GLT1D1: variants seen among roughly 807,000 people sequenced by gnomAD.
The protein encoded by GLT1D1 is glycosyltransferase 1 domain containing 1, also known as glycosyltransferase 1 domain-containing protein 1.
GLT1D1 carries 21 observed loss-of-function variants against 28.7 expected under a neutral mutation model. The observed-to-expected ratio is 0.73, with a 90% CI of 0.52 to 1.05. The LOEUF (loss-of-function observed/expected upper bound fraction) is 1.05, where lower values mean the gene tolerates loss of function less well. GLT1D1 is among the 50% of genes least tolerant of loss of function. The probability of loss-of-function intolerance (pLI) is 0.00; values close to 1 mark genes in which losing one functional copy is unlikely to be tolerated. For missense variants in GLT1D1, 343 were observed against 330.6 expected (o/e 1.04, Z -0.29); for synonymous variants, 147 against 124.8 (o/e 1.18, Z -1.19).
At chr12:128,863,796 A>T (rs1021280370) in intron 1 of GLT1D1, among the ~76,000 whole-genome samples, 1 of 152,052 alleles carries the variant, frequency 6.6e-6, no homozygotes, top group Non-Finnish European at 1.5e-5. Flanking sequence ...ATACAAAAAA[A>T]GTAGCCACAC....
At chr12:128,923,718 C>A (rs111702671) in intron 4 of GLT1D1, among the ~76,000 whole-genome samples, 19 of 151,970 alleles carry the variant, frequency 1.3e-4, no homozygotes, top group African/African-American at 4.3e-4. Context: ...GACGGGATTT[C>A]ACCACGTTGG....
chr12:128,961,534 A>G (rs984402868), intron 7 of GLT1D1, among the ~76,000 whole-genome samples: 1 of 152,242 alleles, frequency 6.6e-6, no homozygotes, highest in African/African-American at 2.4e-5. Context: ...ACTGGAGGTC[A>G]TTATATTAAG....
At chr12:128,922,871 C>T (rs781527242) in intron 4 of GLT1D1, among the ~76,000 whole-genome samples, 4 of 142,798 alleles carry the variant, frequency 2.8e-5, no homozygotes, top group Non-Finnish European at 4.5e-5. Context: ...TGCAGTGAGC[C>T]GAGAACGCAC....
In GLT1D1 at chr12:128,956,171, A is replaced by AAAAAAAAAAAAAAAAAAAAAAAAGAG. The variant is rs374597920; in HGVS notation, c.541-1373_541-1372insAAAAAAAAAAAAAAAAAAAAAAGAGA. Among the ~76,000 whole-genome samples the AAAAAAAAAAAAAAAAAAAAAAAAGAG allele has an allele frequency of 8.1e-4, 52 of 63,932 alleles. 5 individuals carry two copies. The highest frequency in any genetic ancestry group is 1.3e-3 in the Non-Finnish European group (38 of 28,292). The allele number at this position is 63,932 out of a possible 152,430, so 41.9% of individuals were successfully genotyped here. A position where few individuals can be genotyped will look rare whatever the true frequency, so the allele number is the denominator to read the frequency against. ...GAGACTCCATCTCAAAAAAAAAAAA[A>AAAAAAAAAAAAAAAAAAAAAAAAGAG]AGAGAAAGAGAGAAAGAAAGAAAGA... On this transcript the variant is annotated intron_variant, in intron 6 of 7. Transcript: ENST00000281703.
At chr12:128,944,965 G>A (rs1424462946) in intron 4 of GLT1D1, 1 of 545,066 alleles carries the variant, frequency 1.8e-6, no homozygotes, top group Non-Finnish European at 3.3e-6. Flanking sequence ...ACCCCCAACA[G>A]GCCCCGGTGT....
chr12:128,882,523 C>A (rs1403341546), intron 2 of GLT1D1, among the ~76,000 whole-genome samples: 1 of 152,134 alleles, frequency 6.6e-6, no homozygotes, highest in Non-Finnish European at 1.5e-5. Context: ...TGACCCACCA[C>A]CTACCTTGGC....
At chr12:128,919,943 T>TTC (rs1160496585) in intron 4 of GLT1D1, among the ~76,000 whole-genome samples, 12 of 109,788 alleles carry the variant, frequency 1.1e-4, no homozygotes, top group African/African-American at 3.6e-4. Flanking sequence ...TATTGCTTAT[T>TTC]TCTCTCTCTC....
intron 2 of GLT1D1, among the ~76,000 whole-genome samples, chr12:128,884,190 A>G (rs1040330165): frequency 4.6e-5 from 7 of 152,054 alleles, no homozygotes; most frequent in East Asian, 1.9e-4. Flanking sequence ...AAATGGATAC[A>G]GAAAATGGGG....
Position 128,968,530 on chromosome 12 carries a change from G to A in GLT1D1, c.639+10887G>A, listed in dbSNP as rs549721280. Among the ~76,000 whole-genome samples, 302 of 147,452 alleles carry A rather than the reference G, an allele frequency of 2.0e-3. 2 individuals are homozygous for A. The highest frequency in any genetic ancestry group is 7.0e-3 in the African/African-American group (287 of 41,260). On this transcript the variant is annotated intron_variant, in intron 7 of 7. Coordinates refer to ENST00000281703, the MANE Select transcript of GLT1D1 (RefSeq NM_144669.3). Reference sequence around the variant, plus strand: ...TACAAAAAATCAGCTGAGCAGGGTCGCAGGTGCCTATAATCCTAGCTACTC... The same window carrying A: ...TACAAAAAATCAGCTGAGCAGGGTCACAGGTGCCTATAATCCTAGCTACTC...
chr12:128,981,914 T>C (rs1880352269), intron 7 of GLT1D1, among the ~76,000 whole-genome samples: 1 of 152,194 alleles, frequency 6.6e-6, no homozygotes, highest in Admixed American at 6.5e-5. Context: ...GGTGTGGATT[T>C]AAACCCACGC....
chr12:128,943,589 T>A (rs1368692943), intron 4 of GLT1D1, among the ~76,000 whole-genome samples: 1 of 152,238 alleles, frequency 6.6e-6, no homozygotes, highest in Admixed American at 6.5e-5. Flanking sequence ...CCTCAGTACA[T>A]ATGTATTTTC....
intron 7 of GLT1D1, among the ~76,000 whole-genome samples, chr12:128,969,191 G>A (rs1259031248): frequency 8.1e-6 from 1 of 123,092 alleles, no homozygotes; most frequent in Non-Finnish European, 1.6e-5. Flanking sequence ...TGTTTCTGTA[G>A]CCTTCCTTCC....
chr12:128,944,940 C>G (rs932898444), intron 4 of GLT1D1: 1 of 536,774 alleles, frequency 1.9e-6, no homozygotes, highest in Admixed American at 3.4e-5. Flanking sequence ...AACGCTATCC[C>G]TCCTCCAGCC....
chr12:128,899,411 G>A, intron 4 of GLT1D1, 124 bp downstream of exon 4: 2 of 760,490 alleles, frequency 2.6e-6, no homozygotes, highest in Non-Finnish European at 4.7e-6. Context: ...GGCCACAATA[G>A]TGTATTATGT....
intron 7 of GLT1D1, among the ~76,000 whole-genome samples, chr12:128,965,732 A>AAAAAAAAAAG (rs75853652): frequency 8.6e-5 from 9 of 104,594 alleles, no homozygotes; most frequent in East Asian, 2.7e-4. Context: ...AAAAAAAAAA[A>AAAAAAAAAAG]AAAGAAAAAG....
intron 7 of GLT1D1, among the ~76,000 whole-genome samples, chr12:128,979,868 C>T (rs1353602056): frequency 3.9e-5 from 6 of 152,216 alleles, no homozygotes; most frequent in Admixed American, 3.9e-4. Flanking sequence ...GTTGGGCTGT[C>T]ATCCAACACA....
At chr12:128,855,510 G>A (rs1171057270) in intron 1 of GLT1D1, among the ~76,000 whole-genome samples, 1 of 152,026 alleles carries the variant, frequency 6.6e-6, no homozygotes, top group African/African-American at 2.4e-5. Flanking sequence ...AGGCTGCAGC[G>A]AAGTGACATT....
chr12:128,855,891 A>G (rs1181655002), intron 1 of GLT1D1, among the ~76,000 whole-genome samples: 1 of 151,248 alleles, frequency 6.6e-6, no homozygotes, highest in African/African-American at 2.4e-5. Flanking sequence ...AGCTGGGATT[A>G]CAGGCGCCTG....
chr12:128,983,208 T>A lies in GLT1D1; in HGVS notation c.*118T>A, dbSNP rs1880504780. 1.1e-6 allele frequency: 1 copy of A among 903,706 alleles called. No homozygotes were observed. The highest frequency in any genetic ancestry group is 2.3e-5 in the Admixed American group (1 of 43,340). 56.0% of individuals were successfully genotyped at this position (903,706 alleles called of 1,614,324 possible). A position where few individuals can be genotyped will look rare whatever the true frequency, so the allele number is the denominator to read the frequency against. ...TCAAATAAAACCAGCCTCAGCGGAA[T>A]CCTAGAAAATGTTAGTCGTGAGTCC... On this transcript the variant is annotated 3_prime_UTR_variant, in exon 8 of 8. Transcript: ENST00000281703. This position sits in a 1 kb window ranked among gnomAD's most constrained non-coding sequence, Gnocchi z 4.7.
Sources: gnomAD v4.1 joint callset for allele counts (sites outside exome capture counted in the v4.1 genomes callset) on GRCh38, gnomAD v4.1.1 for gene constraint, Gnocchi (gnomAD v3.1) non-coding constraint, MANE v1.5 for transcripts, NCBI Gene and HGNC (gene_info 2026-07-23, HGNC 2026-07-21) for gene names.